Variants in NSMCE2 observed in about 807,000 individuals in gnomAD.
NSMCE2 encodes the protein E3 SUMO-protein ligase NSE2.
NSMCE2 carries 24 observed loss-of-function variants against 23.8 expected under a neutral mutation model. The ratio of observed to expected loss-of-function variants is 1.01; its 90% CI spans 0.73 to 1.42. NSMCE2 has a LOEUF of 1.42. Ranked by LOEUF, NSMCE2 falls within the 40% of genes most tolerant of loss-of-function variation. NSMCE2 has a pLI of 0.00. For synonymous variants in NSMCE2, 92 were observed against 94.1 expected, an observed-to-expected ratio of 0.98 and a Z score of 0.13; for missense variants, 284 against 296.5, an observed-to-expected ratio of 0.96 and a Z score of 0.31.
At position 125,194,757 on chromosome 8, in the gene NSMCE2, CTA is replaced by C. The variant is rs199715582; in HGVS notation, c.418+12503_418+12504del. On this transcript the variant is annotated intron_variant, in intron 5 of 7. Coordinates refer to ENST00000287437, the MANE Select transcript of NSMCE2 (RefSeq NM_173685.4). ...GACAAACTGTTTTTCAATGTGCAGT[CTA>C]TGAGAATTGCACCCTCACCAGCACT... is the stretch of plus-strand genomic sequence containing the variant. Among the ~76,000 whole-genome samples the C allele has an allele frequency of 7.7e-4, 117 of 152,214 alleles. 2 individuals carry two copies. The East Asian group carries it at 0.021, about 28-fold the overall frequency.
chr8:125,265,431 G>A (rs1480279625), intron 5 of NSMCE2, among the ~76,000 whole-genome samples: 1 of 152,048 alleles, frequency 6.6e-6, no homozygotes, highest in African/African-American at 2.4e-5. Flanking sequence ...GTGTTGGTCA[G>A]GCTGGTCTCG....
chr8:125,357,907 A>AG, intron 7 of NSMCE2, 89 bp downstream of exon 7: 4 of 852,890 alleles, frequency 4.7e-6, no homozygotes, highest in Non-Finnish European at 7.8e-6. Context: ...AGGCACTTCA[A>AG]TGTCTCTTCT....
intron 5 of NSMCE2, among the ~76,000 whole-genome samples, chr8:125,328,494 C>T (rs993392736): frequency 2.6e-5 from 4 of 152,194 alleles, no homozygotes; most frequent in East Asian, 3.8e-4. Context: ...TCTTAACACA[C>T]GTTTTCACTG....
At chr8:125,320,233 A>AGGGAAGGGAGGGAGGGAGGGAGGG (rs1280474045) in intron 5 of NSMCE2, among the ~76,000 whole-genome samples, 10 of 20,414 alleles carry the variant, frequency 4.9e-4, no homozygotes, top group African/African-American at 1.2e-3. Context: ...GGAGGGAGGG[A>AGGGAAGGGAGGGAGGGAGGGAGGG]AGGGAGGGAG....
intron 3 of NSMCE2, among the ~76,000 whole-genome samples, chr8:125,111,342 T>A: frequency 6.6e-6 from 1 of 152,110 alleles, no homozygotes; most frequent in East Asian, 1.9e-4. Flanking sequence ...GCTTTGGGGG[T>A]AAGATTCTAG....
chr8:125,118,120 C>T (rs541364829), intron 3 of NSMCE2, among the ~76,000 whole-genome samples: 4 of 152,058 alleles, frequency 2.6e-5, no homozygotes, highest in Middle Eastern at 3.4e-3. Flanking sequence ...GAGGCCGAGG[C>T]GGGCGGATCA....
chr8:125,104,759 G>A (rs929595835), intron 3 of NSMCE2, among the ~76,000 whole-genome samples: 3 of 152,144 alleles, frequency 2.0e-5, no homozygotes, highest in Middle Eastern at 3.2e-3. Context: ...GTGCTAGGCC[G>A]AGCATGGTGG....
chr8:125,298,218 C>G (rs1186562212), intron 5 of NSMCE2, among the ~76,000 whole-genome samples: 1 of 152,202 alleles, frequency 6.6e-6, no homozygotes, highest in East Asian at 1.9e-4. Context: ...TGAGATTGTG[C>G]CACTGCACTC....
chr8:125,133,416 G>T (rs1563670225), intron 3 of NSMCE2, among the ~76,000 whole-genome samples: 1 of 152,104 alleles, frequency 6.6e-6, no homozygotes, highest in Non-Finnish European at 1.5e-5. Flanking sequence ...TTCTACATTT[G>T]TTGAAAACAT....
At position 125,182,644 on chromosome 8, in the gene NSMCE2, C is replaced by T. The variant is rs537411140; in HGVS notation, c.418+388C>T. 4.1e-5 allele frequency: 11 copies of T among 268,248 alleles called. No individual in the cohort carries two copies. The South Asian group carries it at 1.3e-3, about 32-fold the overall frequency. The allele number at this position is 268,248 out of a possible 1,614,324, so 16.6% of individuals were successfully genotyped here. ...AACCATACTTTGATTCTGGTTTTGC[C>T]TCTTTGGAGTAATATTAGCTATGTT... On this transcript the variant is annotated intron_variant, in intron 5 of 7. Coordinates refer to ENST00000287437, the MANE Select transcript of NSMCE2 (RefSeq NM_173685.4).
intron 5 of NSMCE2, among the ~76,000 whole-genome samples, chr8:125,299,531 G>A (rs1459582646): frequency 6.6e-6 from 1 of 152,074 alleles, no homozygotes; most frequent in Admixed American, 6.6e-5. Context: ...GGAACAGCAT[G>A]GGGGAAACAG....
At chr8:125,343,867 G>A (rs142864670) in intron 5 of NSMCE2, among the ~76,000 whole-genome samples, 2,233 of 152,104 alleles carry the variant, frequency 0.015, 47 homozygotes, top group African/African-American at 0.05. Context: ...TTAGCTGGAC[G>A]TGGTGGCGGG....
intron 5 of NSMCE2, among the ~76,000 whole-genome samples, chr8:125,301,155 C>G (rs955806162): frequency 2.6e-5 from 4 of 152,174 alleles, no homozygotes; most frequent in African/African-American, 9.6e-5. Flanking sequence ...TCCATCATAA[C>G]TTGAGCAGGA....
chr8:125,157,369 C>A (rs1821381933), intron 4 of NSMCE2, among the ~76,000 whole-genome samples: 1 of 152,170 alleles, frequency 6.6e-6, no homozygotes. Flanking sequence ...CAAAAGTTTT[C>A]AAATGAGTTA....
chr8:125,270,073 A>G (rs568620587), intron 5 of NSMCE2, among the ~76,000 whole-genome samples: 128 of 152,280 alleles, frequency 8.4e-4, no homozygotes, highest in African/African-American at 3.0e-3. Flanking sequence ...AGCTATAAGA[A>G]GAGAGAGAGT....
intron 3 of NSMCE2, among the ~76,000 whole-genome samples, chr8:125,132,038 A>G (rs1400333912): frequency 6.6e-6 from 1 of 152,222 alleles, no homozygotes; most frequent in African/African-American, 2.4e-5. Context: ...AAGCCAAGAA[A>G]TAATTGCCAT....
At chr8:125,277,025 A>G (rs1827476960) in intron 5 of NSMCE2, among the ~76,000 whole-genome samples, 1 of 152,178 alleles carries the variant, frequency 6.6e-6, no homozygotes, top group South Asian at 2.1e-4. Context: ...GATCTTTCTT[A>G]CAGCAGTGTT....
chr8:125,102,282 T>A (rs767764809), intron 2 of NSMCE2, 35 bp from the exon 3 acceptor site: 1 of 1,444,870 alleles, frequency 6.9e-7, no homozygotes, highest in South Asian at 1.2e-5. Context: ...TTATTCTGAC[T>A]TACGAATCTT....
At chr8:125,340,002 GTTTTTTTTTGTTTTT>G (rs1830181939) in intron 5 of NSMCE2, among the ~76,000 whole-genome samples, 1 of 103,662 alleles carries the variant, frequency 9.6e-6, no homozygotes, top group South Asian at 3.4e-4. Context: ...CGACGTTGTA[GTTTTTTTTTGTTTTT>G]TTTTTTTTTT....
Sources: allele counts gnomAD v4.1 joint callset (sites outside exome capture counted in the v4.1 genomes callset), GRCh38; gene constraint gnomAD v4.1.1; transcripts MANE v1.5; gene names NCBI Gene and HGNC (gene_info 2026-07-23, HGNC 2026-07-21).